ASTN2: variants seen among roughly 807,000 people sequenced by gnomAD.
ASTN2 encodes astrotactin 2, also known as astrotactin-2.
In ASTN2, 54 loss-of-function variants were observed where a neutral mutation model predicts 139.8. That is an observed-to-expected ratio of 0.39 (90% confidence interval 0.31 to 0.48). ASTN2 has a LOEUF of 0.48. Among genes scored for constraint, ASTN2 ranks in the 20% least tolerant of loss-of-function variants. The pLI is 0.95. For missense variants in ASTN2, 1,565 were observed against 1,725.1 expected, an observed-to-expected ratio of 0.91 and a Z score of 1.64; for synonymous variants, 756 against 719.5, an observed-to-expected ratio of 1.05 and a Z score of -0.81.
At chr9:117,101,420 G>A (rs1828974859) in intron 4 of ASTN2, among the ~76,000 whole-genome samples, 2 of 152,142 alleles carry the variant, frequency 1.3e-5, no homozygotes, top group Admixed American at 1.3e-4. Flanking sequence ...GAGAGAAAGT[G>A]AGAATGGTTA....
At chr9:116,586,897 T>C (rs746751690) in intron 19 of ASTN2, among the ~76,000 whole-genome samples, 4 of 150,318 alleles carry the variant, frequency 2.7e-5, no homozygotes, top group Non-Finnish European at 4.4e-5. Flanking sequence ...TAATGAGATC[T>C]TTATGGACAA....
intron 10 of ASTN2, among the ~76,000 whole-genome samples, chr9:116,868,454 ATG>A (rs990310071): frequency 1.3e-5 from 2 of 152,102 alleles, no homozygotes; most frequent in Non-Finnish European, 2.9e-5. Flanking sequence ...GCCCGTAAGA[ATG>A]TGTGTTCAAT....
intron 5 of ASTN2, among the ~76,000 whole-genome samples, chr9:117,094,086 T>C (rs1284599399): frequency 7.7e-6 from 1 of 129,110 alleles, no homozygotes; most frequent in Non-Finnish European, 1.5e-5. Context: ...ATTTGTGGTA[T>C]GTATCAAAGG....
intron 19 of ASTN2, among the ~76,000 whole-genome samples, chr9:116,489,488 C>T (rs910238264): frequency 2.6e-5 from 4 of 152,102 alleles, no homozygotes; most frequent in Non-Finnish European, 4.4e-5. Context: ...AGGCATGCAC[C>T]ACCACACCCA....
At chr9:117,159,197 G>A (rs543653451) in intron 3 of ASTN2, among the ~76,000 whole-genome samples, 1 of 152,064 alleles carries the variant, frequency 6.6e-6, no homozygotes, top group South Asian at 2.1e-4. Flanking sequence ...TCGCAGGCCT[G>A]TCGTCTGCTA....
intron 20 of ASTN2, among the ~76,000 whole-genome samples, chr9:116,460,678 T>C (rs1848459780): frequency 6.6e-6 from 1 of 152,130 alleles, no homozygotes; most frequent in African/African-American, 2.4e-5. Flanking sequence ...AAAGGAACTA[T>C]ATGGTGCAGA....
chr9:116,488,252 A>G lies in ASTN2; in HGVS notation c.3356-752T>C, dbSNP rs185091923. 2.0e-5 allele frequency among the ~76,000 whole-genome samples: 3 copies of G among 152,324 alleles called. No individual in the cohort carries two copies. In the East Asian group the frequency reaches 5.8e-4, roughly 29 times the overall value. ...GAAGTTTACTAGAAACAGAACTAAT[A>G]AAGAAGTCTAGGAAGTAAAGAAAAC... On this transcript the variant is annotated intron_variant, in intron 19 of 22. Coordinates refer to ENST00000313400, the MANE Select transcript of ASTN2 (RefSeq NM_001365068.1).
At chr9:116,805,932 G>A in intron 12 of ASTN2, 112 bp from the exon 13 acceptor site, 3 of 1,034,186 alleles carry the variant, frequency 2.9e-6, no homozygotes, top group South Asian at 1.6e-5. Flanking sequence ...GTTTAGGAAG[G>A]AGACAGCTAT....
intron 20 of ASTN2, among the ~76,000 whole-genome samples, chr9:116,449,333 G>A (rs1404157284): frequency 6.6e-6 from 1 of 152,150 alleles, no homozygotes; most frequent in African/African-American, 2.4e-5. Flanking sequence ...TTGAGCCTGG[G>A]AGATCAAGGC....
intron 1 of ASTN2, among the ~76,000 whole-genome samples, chr9:117,314,640 T>C (rs1049227585): frequency 6.8e-6 from 1 of 146,592 alleles, no homozygotes; most frequent in Admixed American, 6.9e-5. Flanking sequence ...ATAATTATAA[T>C]TATTATATAA....
At chr9:116,934,002 T>TTTTTTTTTTC (rs1588422835) in intron 10 of ASTN2, among the ~76,000 whole-genome samples, 1 of 121,310 alleles carries the variant, frequency 8.2e-6, no homozygotes, top group South Asian at 2.7e-4. Context: ...TTTTTTTTTT[T>TTTTTTTTTTC]CTGGATCAAG....
At chr9:117,288,880 A>G (rs1834514356) in intron 2 of ASTN2, among the ~76,000 whole-genome samples, 1 of 152,212 alleles carries the variant, frequency 6.6e-6, no homozygotes, top group African/African-American at 2.4e-5. Flanking sequence ...TTTTTCAACT[A>G]AACTGCCCCT....
intron 1 of ASTN2, among the ~76,000 whole-genome samples, chr9:117,347,126 C>G (rs940960731): frequency 2.0e-5 from 3 of 151,954 alleles, no homozygotes; most frequent in South Asian, 2.1e-4. Flanking sequence ...GGAGTGAAAA[C>G]TGTGGAAAAT....
intron 11 of ASTN2, among the ~76,000 whole-genome samples, chr9:116,839,310 G>A (rs1049634626): frequency 1.3e-5 from 2 of 152,046 alleles, no homozygotes; most frequent in African/African-American, 4.8e-5. Flanking sequence ...ATCATGCTCG[G>A]CTAATTTTAT....
intron 13 of ASTN2, among the ~76,000 whole-genome samples, chr9:116,795,314 G>A (rs1157527518): frequency 6.6e-6 from 1 of 152,206 alleles, no homozygotes; most frequent in African/African-American, 2.4e-5. Flanking sequence ...CCTAGAGGTG[G>A]GAGATTAGCA....
At chr9:117,255,693 G>A (rs555835445) in intron 2 of ASTN2, among the ~76,000 whole-genome samples, 121 of 152,316 alleles carry the variant, frequency 7.9e-4, no homozygotes, top group African/African-American at 2.9e-3. Context: ...CAAATGCCGG[G>A]AGAACACGGA....
intron 13 of ASTN2, among the ~76,000 whole-genome samples, chr9:116,755,945 A>G (rs1373513061): frequency 6.6e-6 from 1 of 152,258 alleles, no homozygotes; most frequent in Non-Finnish European, 1.5e-5. Flanking sequence ...GGGAGCCTCC[A>G]GAAGAAAGCC....
At chr9:117,052,201 G>A (rs1185069794) in intron 5 of ASTN2, among the ~76,000 whole-genome samples, 1 of 152,128 alleles carries the variant, frequency 6.6e-6, no homozygotes, top group African/African-American at 2.4e-5. Flanking sequence ...AGCACTTTGG[G>A]AGGCTGAGGT....
At position 117,096,060 on chromosome 9, in the gene ASTN2, A is replaced by T. The variant is rs756073267; in HGVS notation, c.1260T>A (p.Ser420Arg). 3.1e-6 allele frequency: 5 copies of T among 1,614,036 alleles called. No individual in the cohort carries two copies. The South Asian group carries it at 5.5e-5, about 18-fold the overall frequency. Reference protein sequence around the residue: ...QLTFYTEQYRSRRRSKGLLKS... With the variant: ...QLTFYTEQYRRRRRSKGLLKS... ...CACTATTACCTTTGCTGCGGCGGCG[A>T]CTGCGGTACTGCTCCGTGTAGAATG... Residue 420 changes from serine to arginine, a missense_variant, in exon 5 of 23, where the codon AGT becomes AGA. Ser to Arg is a moderately radical substitution (Grantham distance 110). This residue lies in a region of ASTN2 where 596 missense variants were observed against 576.8 expected (regional missense o/e 1.03). Coordinates refer to ENST00000313400, the MANE Select transcript of ASTN2 (RefSeq NM_001365068.1).
Sources: allele counts gnomAD v4.1 joint callset (sites outside exome capture counted in the v4.1 genomes callset), GRCh38; gene constraint gnomAD v4.1.1; regional missense constraint gnomAD v4.1.1; transcripts MANE v1.5; gene names NCBI Gene and HGNC (gene_info 2026-07-23, HGNC 2026-07-21).